The following EEF2 variants were observed in gnomAD, a reference collection of about 807,000 sequenced individuals.
EEF2 encodes the protein eukaryotic translation elongation factor 2, also known as elongation factor 2.
In EEF2, 21 loss-of-function variants were observed where a neutral mutation model predicts 85.3. That is an observed-to-expected ratio of 0.25 (90% confidence interval 0.17 to 0.35). The LOEUF (loss-of-function observed/expected upper bound fraction) is 0.35. Among genes scored for constraint, EEF2 ranks in the 10% least tolerant of loss-of-function variants. EEF2 has a pLI of 1.00. For synonymous variants in EEF2, 723 were observed against 508.8 expected (o/e 1.42, Z -5.67); for missense variants, 825 against 1,225.3 (o/e 0.67, Z 4.88).
At position 3,980,851 on chromosome 19, in the gene EEF2, C is replaced by T; in HGVS notation, c.1140G>A (p.Glu380=). The T allele has an allele frequency of 6.4e-7, 1 of 1,566,890 alleles. No individual in the cohort carries two copies. The highest frequency in any genetic ancestry group is 2.4e-5 in the East Asian group (1 of 42,206). The change falls in exon 8 of 15, where the codon GAG becomes GAA. Residue 380 remains glutamate (E), a synonymous_variant. Transcript: ENST00000309311. ...ELLYEGPPDD[E]AAMGIKSCDP... ...ACCGGGACCACGTACCCATGGCAGC[C>T]TCGTCGTCCGGGGGCCCCTCGTACA...
Position 3,981,363 on chromosome 19 carries a change from G to A in EEF2, c.987C>T (p.Asp329=), listed in dbSNP as rs1472323241. ...CCTTCAGCAGGGGTTTGCCTTCTTT[G>A]TCCTTGTCCTCGCTGTCCAGTTTGA... is the stretch of plus-strand genomic sequence containing the variant. The part of the protein sequence containing the change: ...LDIKLDSEDK[D]KEGKPLLKAV... Residue 329 remains aspartate, a synonymous_variant, in exon 7 of 15, where the codon GAC becomes GAT. Transcript: ENST00000309311. 1.2e-6 allele frequency: 2 copies of A among 1,614,088 alleles called. No homozygotes were observed. The highest frequency in any genetic ancestry group is 2.2e-5 in the East Asian group (1 of 44,898).
chr19:3,985,248 G>A (rs890783566), intron 1 of EEF2, 130 bp downstream of exon 1: 7 of 1,067,272 alleles, frequency 6.6e-6, no homozygotes, highest in Admixed American at 4.3e-5. Flanking sequence ...CCCCAGCCCC[G>A]GGTCCTCCGG....
rs2039692769 is a variant in EEF2 at position 3,977,539 on chromosome 19, G to A, written c.2139C>T (p.Ala713=). 1 of 1,587,826 alleles carries A rather than the reference G, an allele frequency of 6.3e-7. No individual in the cohort carries two copies. Among genetic ancestry groups the A allele is most frequent in the African/African-American group, 1.3e-5 (1 of 74,638 alleles). Residue 713 remains alanine (A), a synonymous_variant, in exon 13 of 15, where the codon GCC becomes GCT. Transcript: ENST00000309311. This position sits in a 1 kb window ranked among gnomAD's most constrained non-coding sequence, Gnocchi z 5.4. The part of the protein sequence containing the change: ...DVHDVTLHAD[A]IHRGGGQIIP... ...TGATCTGGCCCCCTCCGCGGTGGAT[G>A]GCGTCGGCGTGCAGGGTGACGTCGT... is the stretch of plus-strand genomic sequence containing the variant.
chr19:3,978,184 G>A lies in EEF2; in HGVS notation c.1714-12C>T. 2 of 1,441,032 alleles carry A rather than the reference G, an allele frequency of 1.4e-6. No individual in the cohort carries two copies. The highest frequency in any genetic ancestry group is 1.8e-6 in the Non-Finnish European group (2 of 1,091,808). The allele number at this position is 1,441,032 out of a possible 1,614,324, so 89.3% of individuals were successfully genotyped here. On this transcript the variant is annotated splice_polypyrimidine_tract_variant and intron_variant, in intron 11 of 14. Transcript: ENST00000309311. Reference sequence around the variant, plus strand: ...ACCGGGTCAGATTTCTGCAAAAAGAGGTTAAGTCCCACTCTTGCCTGGAGA... The same window carrying A: ...ACCGGGTCAGATTTCTGCAAAAAGAAGTTAAGTCCCACTCTTGCCTGGAGA...
At chr19:3,983,362 A>G in intron 2 of EEF2, 71 bp from the exon 3 acceptor site, 6 of 1,510,690 alleles carry the variant, frequency 4.0e-6, no homozygotes, top group Non-Finnish European at 4.5e-6. Context: ...GGATGCTGTC[A>G]GAAGCCAGGC....
At position 3,977,007 on chromosome 19, in the gene EEF2, C is replaced by A. The variant is rs370730511; in HGVS notation, c.2383+208G>T. Among the ~76,000 whole-genome samples the A allele has an allele frequency of 1.6e-4, 25 of 152,300 alleles. No individual in the cohort carries two copies. The highest frequency in any genetic ancestry group is 6.0e-4 in the African/African-American group (25 of 41,572). On this transcript the variant is annotated intron_variant, in intron 14 of 14. Transcript: ENST00000309311. This position sits in a 1 kb window ranked among gnomAD's most constrained non-coding sequence, Gnocchi z 5.4. ...GGCCTTCAGAGCTCCAGGCCCAGAG[C>A]CCTTCTCACACTGGGGATAGGAGAG... is the stretch of plus-strand genomic sequence containing the variant.
At position 3,980,883 on chromosome 19, in the gene EEF2, C is replaced by T; in HGVS notation, c.1108G>A (p.Glu370Lys). ...TCCGGGGGCCCCTCGTACAGGAGCT[C>T]GCAGCGGTACTTCTGGGCCGTCACA... ...SPVTAQKYRC[E>K]LLYEGPPDDE... Residue 370 changes from glutamate (E) to lysine (K), a missense_variant, in exon 8 of 15, where the codon GAG (glutamate) becomes AAG (lysine). Physicochemically the swap from Glu to Lys is moderately conservative, Grantham distance 56. Coordinates refer to ENST00000309311, the MANE Select transcript of EEF2 (RefSeq NM_001961.4). 2 of 1,563,022 alleles carry T rather than the reference C, an allele frequency of 1.3e-6. No homozygotes were observed. Among genetic ancestry groups the T allele is most frequent in the Non-Finnish European group, 1.7e-6 (2 of 1,155,088 alleles).
At chr19:3,981,847 A>G in intron 6 of EEF2, 100 bp downstream of exon 6, 1 of 1,088,018 alleles carries the variant, frequency 9.2e-7, no homozygotes, top group Non-Finnish European at 1.4e-6. Context: ...CTGCCCCACA[A>G]GGAGACGGGC....
In EEF2 at chr19:3,982,879, G is replaced by T; in HGVS notation, c.540C>A (p.Arg180=). ...TGATGACGTTCACGTTCTCCACGAT[G>T]CGCTGGAAAGTCTGGTAGAGCTCCT... ...EPEELYQTFQ[R]IVENVNVIIS... is the part of the protein sequence containing the mutation. The change falls in exon 4 of 15, where the codon CGC becomes CGA. Residue 180 remains arginine (R), a synonymous_variant. Coordinates refer to ENST00000309311, the MANE Select transcript of EEF2 (RefSeq NM_001961.4). 6.2e-7 allele frequency: 1 copy of T among 1,613,726 alleles called. No individual in the cohort carries two copies. Among genetic ancestry groups the T allele is most frequent in the Non-Finnish European group, 8.5e-7 (1 of 1,179,998 alleles).
At chr19:3,981,839 G>A in intron 6 of EEF2, 108 bp downstream of exon 6, 1 of 993,616 alleles carries the variant, frequency 1.0e-6, no homozygotes, top group Non-Finnish European at 1.5e-6. Context: ...TCTCGCATCT[G>A]CCCCACAAGG....
At position 3,977,651 on chromosome 19, in the gene EEF2, C is replaced by A; in HGVS notation, c.2068-41G>T. The A allele has an allele frequency of 6.8e-7, 1 of 1,481,386 alleles. No individual in the cohort carries two copies. The highest frequency in any genetic ancestry group is 2.4e-5 in the Admixed American group (1 of 41,992). 91.8% of individuals were successfully genotyped at this position (1,481,386 alleles called of 1,614,324 possible). On this transcript the variant is annotated intron_variant, in intron 12 of 14. Transcript: ENST00000309311. This position sits in a 1 kb window ranked among gnomAD's most constrained non-coding sequence, Gnocchi z 5.4. ...AGCCACCGTCAAGGGCCGGACACAC[C>A]TCGGCTGCTTGCCCTCCACCTGCCA...
Position 3,982,019 on chromosome 19 carries a change from C to T in EEF2, c.825G>A (p.Lys275=). Residue 275 remains lysine, a synonymous_variant, in exon 6 of 15, where the codon AAG becomes AAA. Coordinates refer to ENST00000309311, the MANE Select transcript of EEF2 (RefSeq NM_001961.4). ...YFDPANGKFS[K]SATSPEGKKL... is the part of the protein sequence containing the mutation. ...TCTTCCCTTCGGGGCTGGTGGCTGA[C>T]TTGCTGAACTTGCCGTTGGCTGGGT... The T allele has an allele frequency of 6.2e-7, 1 of 1,614,202 alleles. No homozygotes were observed. The highest frequency in any genetic ancestry group is 8.5e-7 in the Non-Finnish European group (1 of 1,180,022).
rs369832575 is a variant in EEF2 at position 3,980,630 on chromosome 19, G to A, written c.1230C>T (p.Phe410=). The A allele has an allele frequency of 8.1e-6, 13 of 1,614,246 alleles. No homozygotes were observed. The highest frequency in any genetic ancestry group is 1.1e-5 in the South Asian group (1 of 91,090). ...CCGAGAAGACTCGTCCAAAGGCGTAGAACCGACCTTTGTCGGAGGTTGGCA... is the reference window on the plus strand; with the variant it reads ...CCGAGAAGACTCGTCCAAAGGCGTAAAACCGACCTTTGTCGGAGGTTGGCA... ...KMVPTSDKGR[F]YAFGRVFSGL... The change falls in exon 9 of 15, where the codon TTC becomes TTT. Residue 410 remains phenylalanine (F), a synonymous_variant. Transcript: ENST00000309311.
chr19:3,981,401 C>G lies in EEF2; in HGVS notation c.949G>C (p.Glu317Gln), dbSNP rs2039744933. ...FKKEETAKLI[E>Q]KLDIKLDSED... ...CTGTCCAGTTTGATGTCCAGTTTCT[C>G]TATCAGTTTTGCTGTCTCCTCTTTC... The change falls in exon 7 of 15, where the codon GAG becomes CAG. Residue 317 changes from glutamate to glutamine, a missense_variant. Transcript: ENST00000309311. 1.2e-6 allele frequency: 2 copies of G among 1,614,144 alleles called. No individual in the cohort carries two copies. The highest frequency in any genetic ancestry group is 1.7e-5 in the Admixed American group (1 of 60,010).
At chr19:3,983,826 A>G (rs1417489752) in intron 2 of EEF2, 1 of 443,196 alleles carries the variant, frequency 2.3e-6, no homozygotes. Context: ...CAAGCACTAG[A>G]ACACCCTCCC....
At chr19:3,978,793 A>C (rs1176468172) in intron 11 of EEF2, among the ~76,000 whole-genome samples, 2 of 81,140 alleles carry the variant, frequency 2.5e-5, no homozygotes, top group African/African-American at 9.2e-5. Context: ...ACAGAGCAAG[A>C]CTCTTGTCTC....
At chr19:3,981,675 G>A (rs986758194) in intron 6 of EEF2, among the ~76,000 whole-genome samples, 4 of 152,202 alleles carry the variant, frequency 2.6e-5, no homozygotes, top group African/African-American at 7.2e-5. Flanking sequence ...CTCAGACAAG[G>A]ACCCAAGTTC....
At chr19:3,978,839 G>A (rs2039709200) in intron 11 of EEF2, among the ~76,000 whole-genome samples, 1 of 80,044 alleles carries the variant, frequency 1.2e-5, no homozygotes, top group African/African-American at 4.3e-5. Flanking sequence ...AAATAGCCCT[G>A]GGCCAGGCAT....
At position 3,977,651 on chromosome 19, in the gene EEF2, C is replaced by T. The variant is rs1393375315; in HGVS notation, c.2068-41G>A. 6.8e-7 allele frequency: 1 copy of T among 1,481,386 alleles called. No homozygotes were observed. Among genetic ancestry groups the T allele is most frequent in the Middle Eastern group, 2.2e-4 (1 of 4,556 alleles). The allele number at this position is 1,481,386 out of a possible 1,614,324, so 91.8% of individuals were successfully genotyped here. A position where few individuals can be genotyped will look rare whatever the true frequency, so the allele number is the denominator to read the frequency against. On this transcript the variant is annotated intron_variant, in intron 12 of 14. Transcript: ENST00000309311. The surrounding 1 kb of genome is among the most constrained non-coding windows in gnomAD (Gnocchi z 5.4). Reference sequence around the variant, plus strand: ...AGCCACCGTCAAGGGCCGGACACACCTCGGCTGCTTGCCCTCCACCTGCCA... The same window carrying T: ...AGCCACCGTCAAGGGCCGGACACACTTCGGCTGCTTGCCCTCCACCTGCCA...
Sources: allele counts gnomAD v4.1 joint callset (sites outside exome capture counted in the v4.1 genomes callset), GRCh38; gene constraint gnomAD v4.1.1; non-coding constraint Gnocchi (gnomAD v3.1); transcripts MANE v1.5; gene names NCBI Gene and HGNC (gene_info 2026-07-23, HGNC 2026-07-21).